The following ATP10B variants were observed in gnomAD, a reference collection of about 807,000 sequenced individuals.
The protein encoded by ATP10B is ATPase phospholipid transporting 10B (putative), also known as phospholipid-transporting ATPase VB.
In ATP10B, 122 loss-of-function variants were observed where a neutral mutation model predicts 141.2. That is an observed-to-expected ratio of 0.86 (90% CI 0.75 to 1.00). ATP10B has a LOEUF of 1.00. ATP10B is among the 50% of genes least tolerant of loss of function. ATP10B has a pLI of 0.00. For missense variants in ATP10B, 1,876 were observed against 1,825.3 expected (o/e 1.03, Z -0.51); for synonymous variants, 685 against 692.0 (o/e 0.99, Z 0.16).
At chr5:160,669,598 C>T (rs1762539630) in intron 7 of ATP10B, among the ~76,000 whole-genome samples, 1 of 143,958 alleles carries the variant, frequency 6.9e-6, no homozygotes, top group Admixed American at 7.2e-5. Context: ...GACTGAGAGC[C>T]AGTCTCTCTC....
Position 160,644,241 on chromosome 5 carries a change from C to T in ATP10B, c.765G>A (p.Glu255=). ...AGCCAGTCCTGGTCTGGTCAGGATG[C>T]TCCCTGGGGATGATGAATAAAAGAC... ...NHLNKFKGYM[E]HPDQTRTGFG... The change falls in exon 9 of 26, where the codon GAG becomes GAA. Residue 255 remains glutamate (E), a synonymous_variant. Transcript: ENST00000327245. The T allele has an allele frequency of 6.2e-7, 1 of 1,613,144 alleles. No individual in the cohort carries two copies. The highest frequency in any genetic ancestry group is 8.5e-7 in the Non-Finnish European group (1 of 1,179,198).
At chr5:160,906,573 CTG>C in the ATP10B span, among the ~76,000 whole-genome samples, 4 of 152,194 alleles carry the variant, frequency 2.6e-5, no homozygotes, top group Non-Finnish European at 5.9e-5. Context: ...TTGGCAGACA[CTG>C]TAGATTAGCA....
chr5:160,596,694 G>A (rs555805722), intron 22 of ATP10B, among the ~76,000 whole-genome samples: 1 of 151,812 alleles, frequency 6.6e-6, no homozygotes, highest in Non-Finnish European at 1.5e-5. Context: ...CTTCAGCAAA[G>A]TCTCAGGATA....
intron 6 of ATP10B, among the ~76,000 whole-genome samples, chr5:160,673,436 C>G (rs193083427): frequency 2.2e-4 from 33 of 152,240 alleles, no homozygotes; most frequent in Non-Finnish European, 4.4e-4. Context: ...TCCAATTGTA[C>G]TCATTTAGTT....
the ATP10B span, among the ~76,000 whole-genome samples, chr5:160,872,574 C>G: frequency 9.2e-5 from 14 of 152,128 alleles, no homozygotes; most frequent in Non-Finnish European, 2.1e-4. Context: ...AGTTGAGGAT[C>G]CAGTTTTATT....
intron 7 of ATP10B, among the ~76,000 whole-genome samples, chr5:160,663,778 T>G (rs1268728231): frequency 1.4e-5 from 1 of 70,238 alleles, no homozygotes; most frequent in Non-Finnish European, 3.3e-5. Context: ...ATCCTAAAAC[T>G]TAAAGTATAA....
At chr5:160,805,698 A>G (rs1197276714) in intron 1 of ATP10B, among the ~76,000 whole-genome samples, 1 of 152,172 alleles carries the variant, frequency 6.6e-6, no homozygotes, top group Non-Finnish European at 1.5e-5. Context: ...AGTGGCCCCT[A>G]GTGCCCCAGA....
the ATP10B span, among the ~76,000 whole-genome samples, chr5:160,921,274 GTTT>G: frequency 7.0e-3 from 855 of 121,868 alleles, 5 homozygotes; most frequent in African/African-American, 0.022. Flanking sequence ...TCAGCACTTT[GTTT>G]TTTTTTTTTT....
chr5:160,613,630 C>T (rs1282751381), intron 17 of ATP10B, among the ~76,000 whole-genome samples: 1 of 152,120 alleles, frequency 6.6e-6, no homozygotes, highest in Admixed American at 6.6e-5. Flanking sequence ...GGCCTAGCAG[C>T]AATAGGAATA....
chr5:160,802,608 A>T (rs1772454032), intron 1 of ATP10B, among the ~76,000 whole-genome samples: 1 of 152,212 alleles, frequency 6.6e-6, no homozygotes, highest in Non-Finnish European at 1.5e-5. Context: ...ACAAGTTCAA[A>T]ATGCATGGTA....
At chr5:160,873,174 T>C in the ATP10B span, among the ~76,000 whole-genome samples, 1 of 152,002 alleles carries the variant, frequency 6.6e-6, no homozygotes, top group African/African-American at 2.4e-5. Context: ...GATCTGATTC[T>C]CTGCGGTCTC....
chr5:160,627,990 AT>A (rs1412226073), intron 13 of ATP10B, among the ~76,000 whole-genome samples: 2 of 152,224 alleles, frequency 1.3e-5, no homozygotes, highest in Non-Finnish European at 2.9e-5. Flanking sequence ...CCTGTGGGCT[AT>A]GACTATTATG....
intron 1 of ATP10B, among the ~76,000 whole-genome samples, chr5:160,847,368 A>G (rs992604283): frequency 2.0e-5 from 3 of 152,232 alleles, no homozygotes; most frequent in Admixed American, 6.5e-5. Flanking sequence ...ATTCACAAGC[A>G]TATTGTAAGC....
At chr5:160,612,705 G>A in intron 18 of ATP10B, 36 bp downstream of exon 18, 1 of 1,570,620 alleles carries the variant, frequency 6.4e-7, no homozygotes, top group Non-Finnish European at 8.7e-7. Context: ...TCTACACGTT[G>A]ATATCTGCAG....
At position 160,847,422 on chromosome 5, in the gene ATP10B, C is replaced by T. The variant is rs115951440; in HGVS notation, c.-576+4519G>A. On this transcript the variant is annotated intron_variant, in intron 1 of 25. Coordinates refer to ENST00000327245, the MANE Select transcript of ATP10B (RefSeq NM_025153.3). Reference sequence around the variant, plus strand: ...AGCTTCTGATTTTATAACAGTACAGCCTTGCGGTGACCCCTTATGTATTGC... The same window carrying T: ...AGCTTCTGATTTTATAACAGTACAGTCTTGCGGTGACCCCTTATGTATTGC... Among the ~76,000 whole-genome samples, 918 of 152,244 alleles carry T rather than the reference C, an allele frequency of 6.0e-3. 13 individuals are homozygous for T. Among genetic ancestry groups the T allele is most frequent in the African/African-American group, 0.021 (874 of 41,530 alleles).
intron 18 of ATP10B, among the ~76,000 whole-genome samples, chr5:160,607,625 T>C (rs902323672): frequency 6.6e-6 from 1 of 152,164 alleles, no homozygotes; most frequent in Non-Finnish European, 1.5e-5. Flanking sequence ...AAAAATACAT[T>C]GTACCTGTGT....
chr5:160,831,580 T>A (rs961006087), intron 1 of ATP10B, among the ~76,000 whole-genome samples: 2 of 152,070 alleles, frequency 1.3e-5, no homozygotes, highest in African/African-American at 2.4e-5. Context: ...AGGTAACACC[T>A]CAGGCTTCCT....
At chr5:160,770,677 A>G (rs1038163352) in intron 2 of ATP10B, among the ~76,000 whole-genome samples, 4 of 152,192 alleles carry the variant, frequency 2.6e-5, no homozygotes, top group African/African-American at 7.2e-5. Flanking sequence ...TTTTAATAGC[A>G]AAGCACTTAT....
intron 2 of ATP10B, among the ~76,000 whole-genome samples, chr5:160,742,289 A>G (rs1767531776): frequency 6.6e-6 from 1 of 152,198 alleles, no homozygotes; most frequent in Admixed American, 6.5e-5. Flanking sequence ...GCTATATTGC[A>G]TGCTAATGAC....
Sources: allele counts gnomAD v4.1 joint callset (sites outside exome capture counted in the v4.1 genomes callset), GRCh38; gene constraint gnomAD v4.1.1; transcripts MANE v1.5; gene names NCBI Gene and HGNC (gene_info 2026-07-23, HGNC 2026-07-21).